CNBD1: variants seen among roughly 807,000 people sequenced by gnomAD.
The protein encoded by CNBD1 is cyclic nucleotide-binding domain-containing protein 1.
Under a neutral mutation model 54.4 loss-of-function variants are expected in CNBD1, and 71 were observed. The observed-to-expected ratio is 1.30, with a 90% CI of 1.08 to 1.59. The LOEUF is 1.59. Ranked by LOEUF, CNBD1 falls within the 40% of genes most tolerant of loss-of-function variation. The pLI, the probability that CNBD1 is intolerant of heterozygous loss-of-function variation, is 0.00. For missense variants in CNBD1, 659 were observed against 518.0 expected (o/e 1.27, Z -2.64); for synonymous variants, 182 against 170.7 (o/e 1.07, Z -0.51).
chr8:87,412,649 G>A (rs13279220), intron 2 of CNBD1, among the ~76,000 whole-genome samples: 1 of 152,096 alleles, frequency 6.6e-6, no homozygotes, highest in Non-Finnish European at 1.5e-5. Flanking sequence ...AAAAGTGGCT[G>A]AGACAGGTGT....
At chr8:86,940,528 G>A (rs1442387631) in intron 4 of CNBD1, among the ~76,000 whole-genome samples, 1 of 152,146 alleles carries the variant, frequency 6.6e-6, no homozygotes, top group Non-Finnish European at 1.5e-5. Context: ...CCTGAAGAAG[G>A]AGGGGTGTGG....
intron 4 of CNBD1, among the ~76,000 whole-genome samples, chr8:87,027,604 G>A (rs1809677813): frequency 6.6e-6 from 1 of 152,140 alleles, no homozygotes; most frequent in African/African-American, 2.4e-5. Flanking sequence ...AACCTCTTCA[G>A]ACTCCAAAGA....
intron 4 of CNBD1, among the ~76,000 whole-genome samples, chr8:87,165,207 T>G (rs1331165952): frequency 1.3e-5 from 2 of 152,106 alleles, no homozygotes; most frequent in South Asian, 4.1e-4. Flanking sequence ...ATGCTCTGTG[T>G]GCACTTAAGA....
At position 87,154,888 on chromosome 8, in the gene CNBD1, A is replaced by G. The variant is rs1412355779; in HGVS notation, c.432-51105A>G. Among the ~76,000 whole-genome samples, 3 of 152,114 alleles carry G rather than the reference A, an allele frequency of 2.0e-5. No individual in the cohort carries two copies. In the South Asian group the frequency reaches 6.2e-4, roughly 31 times the overall value. On this transcript the variant is annotated intron_variant, in intron 4 of 10. Coordinates refer to ENST00000518476, the MANE Select transcript of CNBD1 (RefSeq NM_173538.3). The stretch of plus-strand genomic sequence containing the variant: ...GGTACTCCATTGATGTGGCACATCC[A>G]ACTTTACTCACTCCACGCTAATGGG...
At chr8:87,311,302 A>T (rs1198714910) in intron 8 of CNBD1, among the ~76,000 whole-genome samples, 1 of 152,116 alleles carries the variant, frequency 6.6e-6, no homozygotes, top group Non-Finnish European at 1.5e-5. Context: ...ACATAAACAG[A>T]TGCTTCTTAA....
intron 4 of CNBD1, among the ~76,000 whole-genome samples, chr8:87,128,356 C>T (rs1260926981): frequency 6.6e-6 from 1 of 152,188 alleles, no homozygotes; most frequent in Non-Finnish European, 1.5e-5. Context: ...GGCTGGAGCT[C>T]AGGGGCACAC....
intron 3 of CNBD1, among the ~76,000 whole-genome samples, chr8:86,935,551 T>C (rs979853420): frequency 6.6e-6 from 1 of 152,188 alleles, no homozygotes; most frequent in Non-Finnish European, 1.5e-5. Context: ...TAATATAATC[T>C]TTCTATCTTT....
At chr8:86,952,914 T>C (rs890300375) in intron 4 of CNBD1, among the ~76,000 whole-genome samples, 1 of 152,178 alleles carries the variant, frequency 6.6e-6, no homozygotes, top group Non-Finnish European at 1.5e-5. Context: ...CTTATCTGCT[T>C]TCTGTCAGTA....
At chr8:87,388,661 C>G (rs1173731566) in intron 2 of CNBD1, among the ~76,000 whole-genome samples, 1 of 152,166 alleles carries the variant, frequency 6.6e-6, no homozygotes, top group Non-Finnish European at 1.5e-5. Context: ...CAGCCGAATT[C>G]TACCAGAGGT....
intron 3 of CNBD1, among the ~76,000 whole-genome samples, chr8:86,928,534 C>G (rs372909358): frequency 6.6e-6 from 1 of 152,088 alleles, no homozygotes; most frequent in East Asian, 1.9e-4. Flanking sequence ...TTGGGGGAGC[C>G]CAAATCTAGG....
chr8:87,018,188 A>C (rs1809407698), intron 4 of CNBD1, among the ~76,000 whole-genome samples: 1 of 152,242 alleles, frequency 6.6e-6, no homozygotes, highest in Non-Finnish European at 1.5e-5. Context: ...GGTTGTGGTG[A>C]GCCAAGATTG....
intron 4 of CNBD1, among the ~76,000 whole-genome samples, chr8:87,176,338 A>G (rs1409927050): frequency 6.6e-6 from 1 of 152,202 alleles, no homozygotes; most frequent in African/African-American, 2.4e-5. Context: ...GAATTCAAAT[A>G]ACAAACCCAG....
rs1458783591 is a variant in CNBD1 at position 87,284,759 on chromosome 8, G to C, written c.853G>C (p.Glu285Gln). ...AACACAGATGTTCTCGGTGGTGACA[G>C]AAGACGATTGTGAAATTCTTAAAAT... ...SETQMFSVVT[E>Q]DDCEILKIPA... is the part of the protein sequence containing the mutation. Residue 285 changes from glutamate to glutamine, a missense_variant, in exon 7 of 11, where the codon GAA becomes CAA. Physicochemically the swap from Glu to Gln is conservative, Grantham distance 29 (BLOSUM62 2). Coordinates refer to ENST00000518476, the MANE Select transcript of CNBD1 (RefSeq NM_173538.3). 6.3e-7 allele frequency: 1 copy of C among 1,599,896 alleles called. No individual in the cohort carries two copies.
At chr8:87,133,131 A>T (rs1261640856) in intron 4 of CNBD1, among the ~76,000 whole-genome samples, 2 of 151,724 alleles carry the variant, frequency 1.3e-5, no homozygotes, top group Non-Finnish European at 2.9e-5. Context: ...TTCTGCTAAG[A>T]TTCCTTTTTT....
chr8:86,879,351 T>A (rs904711617), intron 1 of CNBD1, among the ~76,000 whole-genome samples: 1 of 152,206 alleles, frequency 6.6e-6, no homozygotes, highest in Non-Finnish European at 1.5e-5. Flanking sequence ...AAGAAAGATA[T>A]TATTTGCTTT....
intron 2 of CNBD1, among the ~76,000 whole-genome samples, chr8:87,423,322 A>T (rs2130994731): frequency 6.8e-6 from 1 of 148,136 alleles, no homozygotes; most frequent in Non-Finnish European, 1.5e-5. Flanking sequence ...GTTGAATAGG[A>T]GTGGTGAGAG....
chr8:87,217,237 A>C (rs777695130), intron 5 of CNBD1, among the ~76,000 whole-genome samples: 1 of 152,184 alleles, frequency 6.6e-6, no homozygotes, highest in Non-Finnish European at 1.5e-5. Flanking sequence ...CATTATAAAT[A>C]GACCAAAAGT....
intron 2 of CNBD1, among the ~76,000 whole-genome samples, chr8:87,398,226 A>G (rs1222794195): frequency 8.2e-6 from 1 of 121,476 alleles, no homozygotes; most frequent in Non-Finnish European, 1.7e-5. Context: ...TTATAAATCT[A>G]TTTTCTGGAG....
intron 4 of CNBD1, among the ~76,000 whole-genome samples, chr8:86,995,569 A>C (rs985691179): frequency 2.6e-5 from 4 of 152,270 alleles, no homozygotes; most frequent in African/African-American, 9.6e-5. Context: ...TTTTAGTAAA[A>C]AGAAAAATAA....
Sources: gnomAD v4.1 joint callset for allele counts (sites outside exome capture counted in the v4.1 genomes callset) on GRCh38, gnomAD v4.1.1 for gene constraint, MANE v1.5 for transcripts, NCBI Gene and HGNC (gene_info 2026-07-23, HGNC 2026-07-21) for gene names.